CHST12: variants seen among roughly 807,000 people sequenced by gnomAD.
CHST12 encodes carbohydrate (chondroitin 4) sulfotransferase 12.
Under a neutral mutation model 27.9 loss-of-function variants are expected in CHST12, and 23 were observed. The ratio of observed to expected loss-of-function variants is 0.82; its 90% CI spans 0.59 to 1.17. The LOEUF (loss-of-function observed/expected upper bound fraction) is 1.17, where lower values mean the gene tolerates loss of function less well. CHST12 is among the 50% of genes most tolerant of loss of function. CHST12 has a pLI of 0.00. For missense variants in CHST12, 682 were observed against 603.0 expected (o/e 1.13, Z -1.37); for synonymous variants, 322 against 273.0 (o/e 1.18, Z -1.77).
intron 1 of CHST12, among the ~76,000 whole-genome samples, chr7:2,406,761 C>T (rs1223985474): frequency 2.6e-5 from 4 of 152,136 alleles, no homozygotes; most frequent in South Asian, 4.1e-4. Flanking sequence ...AACCCCCTCC[C>T]AGTGTTCAAG....
intron 1 of CHST12, among the ~76,000 whole-genome samples, chr7:2,413,698 C>T (rs1455442422): frequency 6.9e-6 from 1 of 145,334 alleles, no homozygotes; most frequent in East Asian, 2.1e-4. Flanking sequence ...TGCTGATGTA[C>T]ATTGGGGTTG....
chr7:2,432,676 C>T lies in CHST12; in HGVS notation c.37C>T (p.Leu13=). 4.3e-6 allele frequency: 7 copies of T among 1,612,890 alleles called. No individual in the cohort carries two copies. Among genetic ancestry groups the T allele is most frequent in the Non-Finnish European group, 5.9e-6 (7 of 1,179,232 alleles). Residue 13 remains leucine (L), a synonymous_variant, in exon 2 of 2, where the codon CTG becomes TTG. Transcript: ENST00000618655. ...CCGGCTGTTCCGGCTGTGGCTGGTG[C>T]TGGGGTCGGTGTTCATGATCCTGCT... The part of the protein sequence containing the change: ...KARLFRLWLV[L]GSVFMILLII...
chr7:2,432,141 C>CAAAAAAAAAAAAAAAAAAAAAAAAAAAA, intron 1 of CHST12, among the ~76,000 whole-genome samples: 1 of 17,112 alleles, frequency 5.8e-5, no homozygotes, highest in African/African-American at 2.4e-4. Context: ...GACTCCATAT[C>CAAAAAAAAAAAAAAAAAAAAAAAAAAAA]AAAAAAAAAA....
At chr7:2,411,065 A>ATTAT (rs1330278680) in intron 1 of CHST12, among the ~76,000 whole-genome samples, 1 of 151,852 alleles carries the variant, frequency 6.6e-6, no homozygotes, top group Non-Finnish European at 1.5e-5. Flanking sequence ...ACTTTTTTAA[A>ATTAT]TTATTTATTT....
chr7:2,407,757 C>T (rs1298820303), intron 1 of CHST12, among the ~76,000 whole-genome samples: 2 of 151,836 alleles, frequency 1.3e-5, no homozygotes, highest in Admixed American at 1.3e-4. Flanking sequence ...TGATGAAACC[C>T]CATCTCTACT....
chr7:2,432,759 C>T lies in CHST12; in HGVS notation c.120C>T (p.Phe40=). ...GAAHFYLHTS[F]SRPHTGPPLP... ...CGCACTTCTACTTGCACACGTCCTT[C>T]TCTAGGCCGCACACGGGGCCGCCGC... Residue 40 remains phenylalanine, a synonymous_variant, in exon 2 of 2, where the codon TTC becomes TTT. Coordinates refer to ENST00000618655, the MANE Select transcript of CHST12 (RefSeq NM_018641.5). The T allele has an allele frequency of 6.2e-7, 1 of 1,613,840 alleles. No homozygotes were observed. Among genetic ancestry groups the T allele is most frequent in the Non-Finnish European group, 8.5e-7 (1 of 1,179,830 alleles).
rs116423770 is a variant in CHST12 at position 2,408,630 on chromosome 7, C to T, written c.-78+4957C>T. Among the ~76,000 whole-genome samples, 755 of 152,148 alleles carry T rather than the reference C, an allele frequency of 5.0e-3. 6 individuals are homozygous for T. The highest frequency in any genetic ancestry group is 0.018 in the African/African-American group (738 of 41,512). On this transcript the variant is annotated intron_variant, in intron 1 of 1. Coordinates refer to ENST00000618655, the MANE Select transcript of CHST12 (RefSeq NM_018641.5). ...CTTGCTTGAGAAATTCTGAAGGATGCATTTGCAGCCTGGAAGTCTACACTC... is the reference window on the plus strand; with the variant it reads ...CTTGCTTGAGAAATTCTGAAGGATGTATTTGCAGCCTGGAAGTCTACACTC...
intron 1 of CHST12, among the ~76,000 whole-genome samples, chr7:2,421,227 CTTTTTTTTTTTTT>C (rs60332594): frequency 1.1e-5 from 1 of 92,010 alleles, no homozygotes; most frequent in African/African-American, 4.3e-5. Flanking sequence ...CCTGCTAATT[CTTTTTTTTTTTTT>C]TTTTTTTTTT....
Position 2,412,663 on chromosome 7 carries a change from A to G in CHST12, c.-78+8990A>G, listed in dbSNP as rs555831844. Among the ~76,000 whole-genome samples, 52 of 152,332 alleles carry G rather than the reference A, an allele frequency of 3.4e-4. No homozygotes were observed. In the South Asian group the frequency reaches 0.011, roughly 31 times the overall value. On this transcript the variant is annotated intron_variant, in intron 1 of 1. Coordinates refer to ENST00000618655, the MANE Select transcript of CHST12 (RefSeq NM_018641.5). ...TGCCTAAACATATACTGTAGAGGCC[A>G]GCAGAGCAGAGTGGCAAGGAAGGGG...
chr7:2,418,718 C>T (rs985694512), intron 1 of CHST12, among the ~76,000 whole-genome samples: 6 of 152,186 alleles, frequency 3.9e-5, no homozygotes, highest in Non-Finnish European at 5.9e-5. Context: ...GCAAAAGTCA[C>T]GTGGGCTTCA....
Position 2,432,734 on chromosome 7 carries a change from C to T in CHST12, c.95C>T (p.Ala32Val), listed in dbSNP as rs777430276. 1.9e-6 allele frequency: 3 copies of T among 1,613,950 alleles called. No homozygotes were observed. Among genetic ancestry groups the T allele is most frequent in the Non-Finnish European group, 2.5e-6 (3 of 1,179,886 alleles). The part of the protein sequence containing the change: ...IIVYWDSAGA[A>V]HFYLHTSFSR... ...GTGTACTGGGACAGCGCAGGCGCCGCGCACTTCTACTTGCACACGTCCTTC... is the reference window on the plus strand; with the variant it reads ...GTGTACTGGGACAGCGCAGGCGCCGTGCACTTCTACTTGCACACGTCCTTC... Residue 32 changes from alanine (A) to valine (V), a missense_variant, in exon 2 of 2, where the codon GCG (alanine) becomes GTG (valine). By Grantham distance (64) the Ala-to-Val change is moderately conservative. Coordinates refer to ENST00000618655, the MANE Select transcript of CHST12 (RefSeq NM_018641.5).
chr7:2,421,024 G>A (rs943386753), intron 1 of CHST12, among the ~76,000 whole-genome samples: 5 of 151,488 alleles, frequency 3.3e-5, no homozygotes. Context: ...CACTGCACCT[G>A]GCCCCTCATA....
intron 1 of CHST12, among the ~76,000 whole-genome samples, chr7:2,414,154 A>G (rs1242300331): frequency 6.6e-6 from 1 of 151,794 alleles, no homozygotes; most frequent in African/African-American, 2.4e-5. Context: ...CTTATTTTTT[A>G]ATTGGGTTTA....
intron 1 of CHST12, among the ~76,000 whole-genome samples, chr7:2,412,262 C>T (rs1054774372): frequency 2.0e-5 from 3 of 152,144 alleles, no homozygotes; most frequent in Non-Finnish European, 4.4e-5. Context: ...GGAGGTACCG[C>T]GTGAAAATGT....
intron 1 of CHST12, among the ~76,000 whole-genome samples, chr7:2,413,465 C>T (rs1781720968): frequency 6.6e-6 from 1 of 152,218 alleles, no homozygotes; most frequent in Admixed American, 6.5e-5. Flanking sequence ...CAAACATATT[C>T]ACCTTGTACC....
Position 2,433,597 on chromosome 7 carries a change from G to A in CHST12, c.958G>A (p.Glu320Lys), listed in dbSNP as rs748426370. ...PHTEKLAPFN[E>K]HWRQVYRLCH... The stretch of plus-strand genomic sequence containing the variant: ...CACGGAGAAGCTGGCGCCCTTCAAC[G>A]AGCACTGGCGGCAGGTGTACCGCCT... Residue 320 changes from glutamate to lysine, a missense_variant, in exon 2 of 2, where the codon GAG becomes AAG. Coordinates refer to ENST00000618655, the MANE Select transcript of CHST12 (RefSeq NM_018641.5). The surrounding 1 kb of genome is among the most constrained non-coding windows in gnomAD (Gnocchi z 6.1). 2 of 1,613,554 alleles carry A rather than the reference G, an allele frequency of 1.2e-6. No homozygotes were observed. Among genetic ancestry groups the A allele is most frequent in the South Asian group, 1.1e-5 (1 of 91,080 alleles).
chr7:2,433,870 C>G lies in CHST12; in HGVS notation c.1231C>G (p.Leu411Val). 6.3e-7 allele frequency: 1 copy of G among 1,574,872 alleles called. No individual in the cohort carries two copies. Among genetic ancestry groups the G allele is most frequent in the Non-Finnish European group, 8.7e-7 (1 of 1,155,310 alleles). The change falls in exon 2 of 2, where the codon CTC (leucine) becomes GTC (valine). Residue 411 changes from leucine (L) to valine (V), a missense_variant. By Grantham distance (32) the Leu-to-Val change is conservative. Transcript: ENST00000618655. The surrounding 1 kb of genome is among the most constrained non-coding windows in gnomAD (Gnocchi z 6.1). Reference protein sequence around the residue: ...VLFGYPKPENLLRD With the variant: ...VLFGYPKPENVLRD ...CTTCGGCTACCCCAAGCCCGAAAAC[C>G]TCCTCCGAGACTGAAAGCTTTCGCG...
rs201127554 is a variant in CHST12, at chr7:2,407,044, A to AT, written c.-78+3371_-78+3372insT. On this transcript the variant is annotated intron_variant, in intron 1 of 1. Coordinates refer to ENST00000618655, the MANE Select transcript of CHST12 (RefSeq NM_018641.5). ...AAAGAGAACTCTCGGATGTAAAAAA[A>AT]AAAAATAAAAGCAGAAATAAGAAAA... 5.9e-3 allele frequency among the ~76,000 whole-genome samples: 902 copies of AT among 152,292 alleles called. 12 individuals carry two copies. Among genetic ancestry groups the AT allele is most frequent in the African/African-American group, 0.021 (859 of 41,562 alleles).
At position 2,438,385 on chromosome 7, in the gene CHST12, C is replaced by T. The variant is rs2398634; in HGVS notation, c.*4501C>T. The T allele has an allele frequency of 0.18, 27,681 of 152,118 alleles. 3,234 individuals are homozygous for T. The highest frequency in any genetic ancestry group is 0.33 in the African/African-American group (13,840 of 41,422). 9.4% of individuals were successfully genotyped at this position (152,118 alleles called of 1,614,324 possible). A position where few individuals can be genotyped will look rare whatever the true frequency, so the allele number is the denominator to read the frequency against. ...CCTGTATGGAGGCAGCCCAGGGGAG[C>T]GGCTGAGACTCTTGGCAGAGAGCTG... On this transcript the variant is annotated 3_prime_UTR_variant, in exon 2 of 2. Transcript: ENST00000618655.
Sources: gnomAD v4.1 joint callset for allele counts (sites outside exome capture counted in the v4.1 genomes callset) on GRCh38, gnomAD v4.1.1 for gene constraint, Gnocchi (gnomAD v3.1) non-coding constraint, MANE v1.5 for transcripts, NCBI Gene and HGNC (gene_info 2026-07-23, HGNC 2026-07-21) for gene names.